PCDH9: variants seen among roughly 807,000 people sequenced by gnomAD.
The protein encoded by PCDH9 is protocadherin-9.
PCDH9 carries 24 observed loss-of-function variants against 70.6 expected under a neutral mutation model. That is an observed-to-expected ratio of 0.34 (90% CI 0.25 to 0.48). The LOEUF is 0.48. Ranked by LOEUF, PCDH9 falls within the 20% of genes least tolerant of loss-of-function variation. The pLI is 0.99. For synonymous variants in PCDH9, 562 were observed against 558.5 expected, an observed-to-expected ratio of 1.01 and a Z score of -0.09; for missense variants, 1,281 against 1,503.6, an observed-to-expected ratio of 0.85 and a Z score of 2.45.
At chr13:66,900,223 T>C (rs1040334978) in intron 3 of PCDH9, among the ~76,000 whole-genome samples, 2 of 151,948 alleles carry the variant, frequency 1.3e-5, no homozygotes, top group African/African-American at 4.8e-5. Flanking sequence ...CACTCATTCC[T>C]GTCTGTGTGC....
In PCDH9 at chr13:66,946,823, T is replaced by C. The variant is rs142859447; in HGVS notation, c.3037-43218A>G. On this transcript the variant is annotated intron_variant, in intron 2 of 4. Coordinates refer to ENST00000377865, the MANE Select transcript of PCDH9 (RefSeq NM_203487.3). ...GTATAATATATAGTTAATATAATTT[T>C]TTCAAGAATAGCCCAAAAAATATGA... Among the ~76,000 whole-genome samples, 237 of 152,228 alleles carry C rather than the reference T, an allele frequency of 1.6e-3. 3 individuals are homozygous for C. Among genetic ancestry groups the C allele is most frequent in the African/African-American group, 5.3e-3 (220 of 41,548 alleles).
At chr13:66,724,591 C>A (rs959237441) in intron 3 of PCDH9, among the ~76,000 whole-genome samples, 2 of 152,178 alleles carry the variant, frequency 1.3e-5, no homozygotes, top group African/African-American at 4.8e-5. Flanking sequence ...ACAATCTCTG[C>A]AGCCATTCTT....
At chr13:66,623,299 T>C (rs1210531284) in intron 4 of PCDH9, among the ~76,000 whole-genome samples, 2 of 152,216 alleles carry the variant, frequency 1.3e-5, no homozygotes, top group African/African-American at 4.8e-5. Flanking sequence ...GCATCCCCAG[T>C]AGTGATTGTG....
chr13:66,541,046 G>A (rs780759931), intron 4 of PCDH9, among the ~76,000 whole-genome samples: 1 of 152,164 alleles, frequency 6.6e-6, no homozygotes, highest in Non-Finnish European at 1.5e-5. Flanking sequence ...TCTAGATTTA[G>A]TAGAATTCAA....
At chr13:66,830,931 G>A (rs2080914269) in intron 3 of PCDH9, among the ~76,000 whole-genome samples, 1 of 151,882 alleles carries the variant, frequency 6.6e-6, no homozygotes, top group Non-Finnish European at 1.5e-5. Flanking sequence ...TTTGTCCCTG[G>A]GGCACAAGTG....
chr13:66,630,209 A>G (rs1464626852), intron 4 of PCDH9, among the ~76,000 whole-genome samples: 1 of 152,024 alleles, frequency 6.6e-6, no homozygotes, highest in Non-Finnish European at 1.5e-5. Flanking sequence ...TATTTTTATT[A>G]TTTACTTCTT....
At chr13:66,769,777 C>T (rs2079776419) in intron 3 of PCDH9, among the ~76,000 whole-genome samples, 1 of 152,024 alleles carries the variant, frequency 6.6e-6, no homozygotes, top group Non-Finnish European at 1.5e-5. Context: ...CCTAAGGGAA[C>T]CTCATTGATC....
At chr13:66,795,980 T>A (rs2080234459) in intron 3 of PCDH9, among the ~76,000 whole-genome samples, 1 of 152,202 alleles carries the variant, frequency 6.6e-6, no homozygotes, top group South Asian at 2.1e-4. Flanking sequence ...CTAGGATGGC[T>A]GTCTGCACGC....
rs148622939 is a variant in PCDH9 at position 66,709,350 on chromosome 13, T to C, written c.3139-77939A>G. On this transcript the variant is annotated intron_variant, in intron 3 of 4. Transcript: ENST00000377865. Reference sequence around the variant, plus strand: ...TAGTCTCAACAATAACTAAATACAATTGTATCATAGAAAATCATTATTAAG... The same window carrying C: ...TAGTCTCAACAATAACTAAATACAACTGTATCATAGAAAATCATTATTAAG... Among the ~76,000 whole-genome samples, 407 of 152,290 alleles carry C rather than the reference T, an allele frequency of 2.7e-3. 1 individual carries two copies. Among genetic ancestry groups the C allele is most frequent in the African/African-American group, 9.2e-3 (383 of 41,546 alleles).
intron 3 of PCDH9, among the ~76,000 whole-genome samples, chr13:66,791,584 T>C (rs1418257693): frequency 6.6e-6 from 1 of 152,158 alleles, no homozygotes; most frequent in Non-Finnish European, 1.5e-5. Context: ...TAAATAATTA[T>C]GTTTTTACAT....
chr13:66,608,953 C>T (rs1455122400), intron 4 of PCDH9, among the ~76,000 whole-genome samples: 1 of 152,188 alleles, frequency 6.6e-6, no homozygotes, highest in African/African-American at 2.4e-5. Flanking sequence ...TAAGGGACCT[C>T]ACACGGTCTC....
chr13:66,493,717 T>C (rs1959070351), intron 4 of PCDH9, among the ~76,000 whole-genome samples: 1 of 152,146 alleles, frequency 6.6e-6, no homozygotes, highest in Admixed American at 6.5e-5. Context: ...ATTAATTTCT[T>C]ACACTGTGTT....
intron 4 of PCDH9, among the ~76,000 whole-genome samples, chr13:66,602,614 T>TG (rs2077176873): frequency 8.0e-5 from 1 of 12,494 alleles, no homozygotes; most frequent in African/African-American, 8.5e-5. Flanking sequence ...AGTCAAAAAT[T>TG]TTTAAAAGTA....
chr13:67,205,856 A>G (rs1354828355), intron 2 of PCDH9: 4 of 152,344 alleles, frequency 2.6e-5, no homozygotes, highest in East Asian at 3.9e-4. Flanking sequence ...TAATTTTACT[A>G]TATAACTGAA....
intron 3 of PCDH9, among the ~76,000 whole-genome samples, chr13:66,676,330 C>A (rs1222952282): frequency 6.6e-6 from 1 of 152,088 alleles, no homozygotes; most frequent in Non-Finnish European, 1.5e-5. Context: ...ATTATTATTA[C>A]AGTCCAAAGT....
intron 3 of PCDH9, among the ~76,000 whole-genome samples, chr13:66,716,279 T>C (rs2078865112): frequency 6.6e-6 from 1 of 152,220 alleles, no homozygotes. Flanking sequence ...TCTGGGTTAC[T>C]TGTTCCATGT....
chr13:66,912,756 C>A (rs2082490083), intron 2 of PCDH9, among the ~76,000 whole-genome samples: 1 of 151,814 alleles, frequency 6.6e-6, no homozygotes, highest in Admixed American at 6.6e-5. Context: ...ATATACCTTA[C>A]TAAGTTAATC....
chr13:67,228,615 A>C (rs2089940851), intron 1 of PCDH9, 40 bp from the exon 2 acceptor site: 3 of 457,406 alleles, frequency 6.6e-6, no homozygotes, highest in Non-Finnish European at 1.2e-5. Flanking sequence ...TTCTTCAGTA[A>C]ATAAAAACAC....
At chr13:66,930,182 G>A (rs1295035769) in intron 2 of PCDH9, among the ~76,000 whole-genome samples, 1 of 152,076 alleles carries the variant, frequency 6.6e-6, no homozygotes, top group Non-Finnish European at 1.5e-5. Flanking sequence ...ATTCTATTTA[G>A]CATTCTGTTT....
Sources: gnomAD v4.1 joint callset for allele counts (sites outside exome capture counted in the v4.1 genomes callset) on GRCh38, gnomAD v4.1.1 for gene constraint, MANE v1.5 for transcripts, NCBI Gene and HGNC (gene_info 2026-07-23, HGNC 2026-07-21) for gene names.